Variants in C1QTNF3 observed in about 807,000 individuals in gnomAD.
The protein encoded by C1QTNF3 is complement C1q tumor necrosis factor-related protein 3.
A neutral mutation model predicts 32.6 loss-of-function variants in C1QTNF3; 26 were observed. That is an observed-to-expected ratio of 0.80 (90% confidence interval 0.58 to 1.11). The LOEUF is 1.11. C1QTNF3 is among the 50% of genes least tolerant of loss of function. The pLI is 0.00. For missense variants in C1QTNF3, 362 were observed against 398.2 expected (o/e 0.91, Z 0.77); for synonymous variants, 155 against 146.0 (o/e 1.06, Z -0.44).
At chr5:34,210,215 CT>C in the C1QTNF3 span, among the ~76,000 whole-genome samples, 2 of 151,816 alleles carry the variant, frequency 1.3e-5, no homozygotes, top group Non-Finnish European at 2.9e-5. Context: ...TGTTGAATGA[CT>C]TTAAAGTGAT....
the C1QTNF3 span, among the ~76,000 whole-genome samples, chr5:34,154,451 C>G: frequency 3.3e-5 from 5 of 152,144 alleles, no homozygotes; most frequent in Non-Finnish European, 7.3e-5. Flanking sequence ...GTCCTTGTCT[C>G]AAAATGCAAA....
intron 1 of C1QTNF3, among the ~76,000 whole-genome samples, chr5:34,039,761 T>C (rs1267745234): frequency 6.6e-6 from 1 of 152,192 alleles, no homozygotes; most frequent in African/African-American, 2.4e-5. Context: ...AGCTCTACAA[T>C]GCAAAGATAC....
At chr5:34,218,809 C>T in the C1QTNF3 span, among the ~76,000 whole-genome samples, 1 of 152,026 alleles carries the variant, frequency 6.6e-6, no homozygotes, top group Non-Finnish European at 1.5e-5. Flanking sequence ...AATATGCTTT[C>T]TGAATTTTAA....
chr5:34,175,192 C>T, the C1QTNF3 span, among the ~76,000 whole-genome samples: 1 of 152,046 alleles, frequency 6.6e-6, no homozygotes, highest in African/African-American at 2.4e-5. Context: ...TACAGGCACA[C>T]ACCACCACAC....
chr5:34,145,201 C>A, the C1QTNF3 span, among the ~76,000 whole-genome samples: 2 of 151,872 alleles, frequency 1.3e-5, no homozygotes, highest in African/African-American at 4.8e-5. Context: ...AAAATCCATA[C>A]AAAAGATACA....
At chr5:34,243,221 A>T in the C1QTNF3 span, among the ~76,000 whole-genome samples, 1 of 152,222 alleles carries the variant, frequency 6.6e-6, no homozygotes, top group Admixed American at 6.5e-5. Context: ...CATCCTCACT[A>T]ATCAGCAAAT....
chr5:34,052,823 T>C, the C1QTNF3 span, among the ~76,000 whole-genome samples: 1 of 152,214 alleles, frequency 6.6e-6, no homozygotes, highest in Non-Finnish European at 1.5e-5. Context: ...TTGTATTTCC[T>C]GCTCATGATT....
At chr5:34,092,358 AT>A in the C1QTNF3 span, among the ~76,000 whole-genome samples, 2 of 151,968 alleles carry the variant, frequency 1.3e-5, no homozygotes, top group South Asian at 4.1e-4. Context: ...TTATAAGTGT[AT>A]TCATCTGCTT....
the C1QTNF3 span, among the ~76,000 whole-genome samples, chr5:34,074,342 A>T: frequency 1.3e-5 from 2 of 151,718 alleles, no homozygotes; most frequent in Non-Finnish European, 1.5e-5. Flanking sequence ...GACTGTAGTA[A>T]ATAAGACAAA....
Position 34,020,450 on chromosome 5 carries a change from G to T in C1QTNF3, c.*133C>A. 1.9e-6 allele frequency: 2 copies of T among 1,049,036 alleles called. No individual in the cohort carries two copies. The highest frequency in any genetic ancestry group is 2.8e-6 in the Non-Finnish European group (2 of 712,128). The allele number at this position is 1,049,036 out of a possible 1,614,324, so 65.0% of individuals were successfully genotyped here. A position where few individuals can be genotyped will look rare whatever the true frequency, so the allele number is the denominator to read the frequency against. On this transcript the variant is annotated 3_prime_UTR_variant, in exon 6 of 6. Coordinates refer to ENST00000382065, the MANE Select transcript of C1QTNF3 (RefSeq NM_181435.6). ...GTCCAACATTATTGGTGTACCTGTA[G>T]CGTGAACAACATTGCAACCAATAAT...
the C1QTNF3 span, among the ~76,000 whole-genome samples, chr5:34,156,993 T>C: frequency 2.0e-5 from 3 of 152,218 alleles, no homozygotes; most frequent in Non-Finnish European, 4.4e-5. Flanking sequence ...TCTCCAAACC[T>C]CTTTTTGCTA....
chr5:34,059,798 G>T, the C1QTNF3 span, among the ~76,000 whole-genome samples: 4 of 152,166 alleles, frequency 2.6e-5, no homozygotes, highest in South Asian at 8.3e-4. Flanking sequence ...ATAAATTGGG[G>T]TGGAGGGTTG....
At chr5:34,137,991 T>C in the C1QTNF3 span, among the ~76,000 whole-genome samples, 1 of 152,286 alleles carries the variant, frequency 6.6e-6, no homozygotes, top group East Asian at 1.9e-4. Context: ...ATCCAATATA[T>C]CTGGTGTCCT....
the C1QTNF3 span, among the ~76,000 whole-genome samples, chr5:34,104,772 C>T: frequency 1.8e-3 from 258 of 145,684 alleles, no homozygotes; most frequent in Non-Finnish European, 3.2e-3. Flanking sequence ...CCTGACCTCA[C>T]GTGATCTGCC....
the C1QTNF3 span, among the ~76,000 whole-genome samples, chr5:34,135,131 G>C: frequency 6.6e-6 from 1 of 152,168 alleles, no homozygotes; most frequent in East Asian, 1.9e-4. Context: ...AGCATGAAGG[G>C]CTATTGAATT....
chr5:34,224,059 A>G, the C1QTNF3 span, among the ~76,000 whole-genome samples: 1 of 152,182 alleles, frequency 6.6e-6, no homozygotes, highest in Non-Finnish European at 1.5e-5. Context: ...CAATTGCTTC[A>G]AAGAGAATCA....
chr5:34,195,002 T>G, the C1QTNF3 span, among the ~76,000 whole-genome samples: 1 of 152,156 alleles, frequency 6.6e-6, no homozygotes, highest in Non-Finnish European at 1.5e-5. Flanking sequence ...TTGGTTGGCT[T>G]AACAGATGTA....
At chr5:34,052,578 T>A in the C1QTNF3 span, among the ~76,000 whole-genome samples, 4 of 152,390 alleles carry the variant, frequency 2.6e-5, no homozygotes, top group Middle Eastern at 6.8e-3. Context: ...TGTTACTTTG[T>A]CCTTTCTAAG....
At chr5:34,161,676 A>G in the C1QTNF3 span, among the ~76,000 whole-genome samples, 1 of 151,994 alleles carries the variant, frequency 6.6e-6, no homozygotes, top group Non-Finnish European at 1.5e-5. Flanking sequence ...GAATTATTAC[A>G]CTCTTTATCT....
Sources: gnomAD v4.1 joint callset for allele counts (sites outside exome capture counted in the v4.1 genomes callset) on GRCh38, gnomAD v4.1.1 for gene constraint, MANE v1.5 for transcripts, NCBI Gene and HGNC (gene_info 2026-07-23, HGNC 2026-07-21) for gene names.